BCL7C: variants seen among roughly 807,000 people sequenced by gnomAD.
The protein encoded by BCL7C is B-cell CLL/lymphoma 7 protein family member C.
BCL7C carries 8 observed loss-of-function variants against 26.2 expected under a neutral mutation model. That is an observed-to-expected ratio of 0.30 (90% CI 0.18 to 0.55). BCL7C has a LOEUF of 0.55. BCL7C is among the 20% of genes least tolerant of loss of function. The probability of loss-of-function intolerance (pLI) is 0.93; values close to 1 mark genes in which losing one functional copy is unlikely to be tolerated. For synonymous variants in BCL7C, 90 were observed against 116.5 expected (o/e 0.77, Z 1.47); for missense variants, 262 against 298.5 (o/e 0.88, Z 0.90).
At position 30,893,282 on chromosome 16, in the gene BCL7C, C is replaced by T. The variant is rs11558080; in HGVS notation, c.101G>A (p.Arg34Gln). The change falls in exon 2 of 6, where the codon CGA (arginine) becomes CAA (glutamine). Residue 34 changes from arginine to glutamine, a missense_variant. Arg to Gln is a conservative substitution (Grantham distance 43, BLOSUM62 1). Coordinates refer to ENST00000215115, the MANE Select transcript of BCL7C (RefSeq NM_004765.4). The surrounding 1 kb of genome is among the most constrained non-coding windows in gnomAD (Gnocchi z 5.2). ...GGAAGTGTCGCCCACAGTCACCCAT[C>T]GCTTCTCCCTGTGGGAGGGTGGGGG... ...TIEKVRRWEK[R>Q]WVTVGDTSLR... 1.2e-5 allele frequency: 20 copies of T among 1,613,238 alleles called. No individual in the cohort carries two copies. Among genetic ancestry groups the T allele is most frequent in the South Asian group, 3.3e-5 (3 of 91,012 alleles).
intron 5 of BCL7C, among the ~76,000 whole-genome samples, chr16:30,881,328 A>G (rs919352455): frequency 6.6e-6 from 1 of 150,560 alleles, no homozygotes; most frequent in Non-Finnish European, 1.5e-5. Flanking sequence ...CCCAGGGGGC[A>G]GTGGTTGCAG....
intron 5 of BCL7C, among the ~76,000 whole-genome samples, chr16:30,859,536 T>G (rs2054751982): frequency 6.6e-6 from 1 of 152,150 alleles, no homozygotes; most frequent in African/African-American, 2.4e-5. Context: ...CAACTGAAGA[T>G]CCACAAAAGA....
chr16:30,840,400 T>C (rs1449820676), intron 5 of BCL7C, among the ~76,000 whole-genome samples: 2 of 152,034 alleles, frequency 1.3e-5, no homozygotes, highest in East Asian at 1.9e-4. Flanking sequence ...TTATTTTTAA[T>C]AGAGACAGGA....
chr16:30,866,014 C>A (rs1370359743), intron 5 of BCL7C, among the ~76,000 whole-genome samples: 1 of 151,612 alleles, frequency 6.6e-6, no homozygotes, highest in African/African-American at 2.4e-5. Flanking sequence ...GTATTACAGG[C>A]GTGAGCCACC....
chr16:30,854,707 CTT>C (rs71149058), intron 5 of BCL7C, among the ~76,000 whole-genome samples: 3 of 145,224 alleles, frequency 2.1e-5, no homozygotes, highest in African/African-American at 2.6e-5. Flanking sequence ...CACTCACTTT[CTT>C]TTTTTTTTTT....
At chr16:30,835,408 G>T (rs2054563180) in intron 5 of BCL7C, among the ~76,000 whole-genome samples, 1 of 152,120 alleles carries the variant, frequency 6.6e-6, no homozygotes, top group South Asian at 2.1e-4. Flanking sequence ...GTGTAATCTT[G>T]GGCAAGCTAC....
At chr16:30,851,764 C>A in intron 5 of BCL7C, 1 of 465,926 alleles carries the variant, frequency 2.1e-6, no homozygotes, top group Non-Finnish European at 4.0e-6. Context: ...TTTTTTGGTG[C>A]AAGGTTGGCT....
chr16:30,868,861 A>G (rs1326491921), intron 5 of BCL7C, among the ~76,000 whole-genome samples: 2 of 152,090 alleles, frequency 1.3e-5, no homozygotes, highest in Non-Finnish European at 2.9e-5. Flanking sequence ...ACAGCAAAAA[A>G]AAAAGATTTA....
At chr16:30,886,794 G>A (rs1310546154), downstream of BCL7C, among the ~76,000 whole-genome samples, 1 of 152,206 alleles carries the variant, frequency 6.6e-6, no homozygotes, top group Non-Finnish European at 1.5e-5. Flanking sequence ...GGCATCCCAG[G>A]TGGAGGAGTG....
chr16:30,845,590 C>T (rs2054629289), intron 5 of BCL7C, among the ~76,000 whole-genome samples: 1 of 152,216 alleles, frequency 6.6e-6, no homozygotes, highest in Admixed American at 6.5e-5. Flanking sequence ...GGCTTCTCTG[C>T]CATGCCTTTC....
rs113056317 is a variant in BCL7C at position 30,894,007 on chromosome 16, G to A, written c.-63C>T. ...GGCCGCCTCCCGTCCGGCGGGCTCA[G>A]GCTCCGCGCCAGGCCCGGGCGCCGC... On this transcript the variant is annotated 5_prime_UTR_variant, in exon 1 of 6. Coordinates refer to ENST00000215115, the MANE Select transcript of BCL7C (RefSeq NM_004765.4). The A allele has an allele frequency of 2.3e-6, 2 of 866,222 alleles. No individual in the cohort carries two copies. Among genetic ancestry groups the A allele is most frequent in the Non-Finnish European group, 2.9e-6 (2 of 691,400 alleles). The allele number at this position is 866,222 out of a possible 1,614,324, so 53.7% of individuals were successfully genotyped here.
chr16:30,877,779 G>C (rs1160744214), intron 5 of BCL7C, among the ~76,000 whole-genome samples: 1 of 151,784 alleles, frequency 6.6e-6, no homozygotes, highest in Non-Finnish European at 1.5e-5. Context: ...TTTTAATGTT[G>C]CCAACATGTT....
chr16:30,871,544 G>A (rs956934009), intron 5 of BCL7C, among the ~76,000 whole-genome samples: 1 of 152,038 alleles, frequency 6.6e-6, no homozygotes, highest in Admixed American at 6.6e-5. Context: ...GAGTGCAGTG[G>A]TACGATCTTG....
chr16:30,888,775 T>A, intron 5 of BCL7C, 85 bp downstream of exon 5: 1 of 1,330,504 alleles, frequency 7.5e-7, no homozygotes, highest in Non-Finnish European at 1.1e-6. Context: ...CTCCAGGCCC[T>A]CAGGACGCAG....
intron 5 of BCL7C, among the ~76,000 whole-genome samples, chr16:30,847,608 C>G (rs550915505): frequency 6.6e-6 from 1 of 152,096 alleles, no homozygotes; most frequent in South Asian, 2.1e-4. Flanking sequence ...CCAGCCTGTC[C>G]AACATGGTGA....
chr16:30,866,819 T>C (rs1322951453), intron 5 of BCL7C, among the ~76,000 whole-genome samples: 1 of 152,070 alleles, frequency 6.6e-6, no homozygotes, highest in Non-Finnish European at 1.5e-5. Flanking sequence ...TTTGGGAAGC[T>C]GAGGTGGGAG....
At chr16:30,879,869 A>AG (rs780925545) in intron 5 of BCL7C, among the ~76,000 whole-genome samples, 2 of 151,770 alleles carry the variant, frequency 1.3e-5, no homozygotes, top group Non-Finnish European at 2.9e-5. Context: ...AGGCACCTGT[A>AG]GTCTCAGCTA....
intron 5 of BCL7C, among the ~76,000 whole-genome samples, chr16:30,860,265 T>C (rs983849893): frequency 1.3e-5 from 2 of 152,208 alleles, no homozygotes; most frequent in African/African-American, 2.4e-5. Flanking sequence ...CCACATTTCA[T>C]TGGTGTCTGA....
chr16:30,877,255 G>A (rs931478712), intron 5 of BCL7C, among the ~76,000 whole-genome samples: 1 of 152,102 alleles, frequency 6.6e-6, no homozygotes, highest in African/African-American at 2.4e-5. Context: ...GCTTTCAAGG[G>A]TAGCTGGAGT....
Sources: gnomAD v4.1 joint callset for allele counts (sites outside exome capture counted in the v4.1 genomes callset) on GRCh38, gnomAD v4.1.1 for gene constraint, Gnocchi (gnomAD v3.1) non-coding constraint, MANE v1.5 for transcripts, NCBI Gene and HGNC (gene_info 2026-07-23, HGNC 2026-07-21) for gene names.